CRYBG3: variants seen among roughly 807,000 people sequenced by gnomAD.
CRYBG3 encodes crystallin beta-gamma domain containing 3.
Under a neutral mutation model 244.2 loss-of-function variants are expected in CRYBG3, and 127 were observed. That is an observed-to-expected ratio of 0.52 (90% CI 0.45 to 0.60). The LOEUF (loss-of-function observed/expected upper bound fraction) is 0.60, where lower values mean the gene tolerates loss of function less well. Ranked by LOEUF, CRYBG3 falls within the 20% of genes least tolerant of loss-of-function variation. The pLI, the probability that CRYBG3 is intolerant of heterozygous loss-of-function variation, is 0.00. For synonymous variants in CRYBG3, 1,132 were observed against 1,195.8 expected, an observed-to-expected ratio of 0.95 and a Z score of 1.10; for missense variants, 3,325 against 3,442.5, an observed-to-expected ratio of 0.97 and a Z score of 0.85.
At chr3:97,896,207 T>C (rs2039638654) in intron 12 of CRYBG3, 122 bp downstream of exon 12, 2 of 851,698 alleles carry the variant, frequency 2.3e-6, no homozygotes, top group Non-Finnish European at 3.4e-6. Flanking sequence ...AGTATTAACC[T>C]CAACTGCTTA....
Position 97,845,998 on chromosome 3 carries a change from A to G in CRYBG3, c.216+2737A>G, listed in dbSNP as rs1024770877. On this transcript the variant is annotated intron_variant, in intron 2 of 21. Coordinates refer to ENST00000389622, the MANE Select transcript of CRYBG3 (RefSeq NM_153605.4). Reference sequence around the variant, plus strand: ...TGTTTCTCTTTTAGTTCCCTCTGACATGGGAAGCCTGGTACTGTGTCTGGC... The same window carrying G: ...TGTTTCTCTTTTAGTTCCCTCTGACGTGGGAAGCCTGGTACTGTGTCTGGC... Among the ~76,000 whole-genome samples the G allele has an allele frequency of 5.3e-5, 8 of 152,216 alleles. No individual in the cohort carries two copies. The South Asian group carries it at 8.3e-4, about 16-fold the overall frequency.
intron 1 of CRYBG3, among the ~76,000 whole-genome samples, chr3:97,827,172 G>T (rs542645773): frequency 6.6e-6 from 1 of 152,194 alleles, no homozygotes; most frequent in African/African-American, 2.4e-5. Flanking sequence ...CAAAAAAGTG[G>T]CAGTGCTTTT....
chr3:97,833,591 G>A (rs2038686613), intron 1 of CRYBG3, among the ~76,000 whole-genome samples: 1 of 152,062 alleles, frequency 6.6e-6, no homozygotes, highest in Admixed American at 6.6e-5. Context: ...CTAGGGGAGG[G>A]ATAGCATTAG....
intron 1 of CRYBG3, among the ~76,000 whole-genome samples, chr3:97,828,020 G>T (rs1299247216): frequency 6.6e-6 from 1 of 152,178 alleles, no homozygotes; most frequent in East Asian, 1.9e-4. Flanking sequence ...TGAGAGTTGG[G>T]AGAGGAAAAT....
intron 3 of CRYBG3, among the ~76,000 whole-genome samples, chr3:97,866,589 CATTTG>C (rs1485194742): frequency 6.6e-6 from 1 of 152,128 alleles, no homozygotes; most frequent in East Asian, 1.9e-4. Flanking sequence ...TGCTTGCTCG[CATTTG>C]ACATCTAGCA....
intron 17 of CRYBG3, among the ~76,000 whole-genome samples, chr3:97,920,928 A>G (rs2039977610): frequency 6.6e-6 from 1 of 152,166 alleles, no homozygotes; most frequent in Non-Finnish European, 1.5e-5. Flanking sequence ...TGATGGGTAC[A>G]TAAGTAATTT....
intron 7 of CRYBG3, among the ~76,000 whole-genome samples, 164 bp from the exon 8 acceptor site, chr3:97,886,467 T>TA (rs2039507847): frequency 1.3e-5 from 2 of 151,986 alleles, no homozygotes; most frequent in Non-Finnish European, 2.9e-5. Flanking sequence ...GAAAAACTTT[T>TA]TAAAAAAAAA....
intron 3 of CRYBG3, among the ~76,000 whole-genome samples, chr3:97,870,235 G>A (rs113269287): frequency 3.9e-5 from 6 of 152,096 alleles, no homozygotes; most frequent in East Asian, 1.9e-4. Flanking sequence ...AGATTATTTC[G>A]TCACCCAGGT....
At chr3:97,848,935 C>A (rs2038942896) in intron 2 of CRYBG3, among the ~76,000 whole-genome samples, 1 of 152,234 alleles carries the variant, frequency 6.6e-6, no homozygotes, top group Admixed American at 6.5e-5. Flanking sequence ...TCACAGTCAG[C>A]CACTGTTCTC....
intron 21 of CRYBG3, chr3:97,942,877 C>CT (rs2040262550): frequency 4.1e-6 from 1 of 246,300 alleles, no homozygotes; most frequent in Non-Finnish European, 7.6e-6. Context: ...ATGGCTGTTG[C>CT]TTTAATTGGG....
At position 97,855,218 on chromosome 3, in the gene CRYBG3, G is replaced by T. The variant is rs368535839; in HGVS notation, c.217-8999G>T. On this transcript the variant is annotated intron_variant, in intron 2 of 21. Coordinates refer to ENST00000389622, the MANE Select transcript of CRYBG3 (RefSeq NM_153605.4). ...AATTATGGTATATAATCTTTTTTAT[G>T]TGCTGTTGGATTTATTTTGCTAGTA... Among the ~76,000 whole-genome samples, 17 of 152,140 alleles carry T rather than the reference G, an allele frequency of 1.1e-4. No homozygotes were observed. In the East Asian group the frequency reaches 1.2e-3, roughly 10 times the overall value.
At chr3:97,883,546 A>G (rs548213164) in intron 7 of CRYBG3, among the ~76,000 whole-genome samples, 1 of 152,344 alleles carries the variant, frequency 6.6e-6, no homozygotes, top group Non-Finnish European at 1.5e-5. Flanking sequence ...AGATATTTGA[A>G]TGGATATTTG....
intron 10 of CRYBG3, among the ~76,000 whole-genome samples, chr3:97,891,480 A>G (rs758289858): frequency 1.3e-5 from 2 of 152,206 alleles, no homozygotes; most frequent in Non-Finnish European, 2.9e-5. Context: ...CAAAAAGTTC[A>G]TGGAAAAAAT....
rs560526993 is a variant in CRYBG3, at chr3:97,931,250, G to A, written c.8242-2444G>A. On this transcript the variant is annotated intron_variant, in intron 17 of 21. Transcript: ENST00000389622. Reference sequence around the variant, plus strand: ...TTCATAGGGTTACTAGCTGCCTTCTGATTATCAAACCCAAACAGCCATATC... The same window carrying A: ...TTCATAGGGTTACTAGCTGCCTTCTAATTATCAAACCCAAACAGCCATATC... 2.6e-5 allele frequency among the ~76,000 whole-genome samples: 4 copies of A among 152,170 alleles called. No homozygotes were observed. The South Asian group carries it at 8.3e-4, about 32-fold the overall frequency.
chr3:97,881,401 C>A (rs2039445096), intron 7 of CRYBG3, among the ~76,000 whole-genome samples, 182 bp downstream of exon 7: 1 of 151,996 alleles, frequency 6.6e-6, no homozygotes, highest in Admixed American at 6.6e-5. Flanking sequence ...AAAATATTAA[C>A]CAGAGGTAAT....
intron 2 of CRYBG3, among the ~76,000 whole-genome samples, chr3:97,847,071 A>C (rs569429054): frequency 6.6e-6 from 1 of 152,112 alleles, no homozygotes; most frequent in Non-Finnish European, 1.5e-5. Context: ...GCTGCCACAC[A>C]CTTCTAAACA....
At chr3:97,879,372 G>A (rs2039419523) in intron 4 of CRYBG3, among the ~76,000 whole-genome samples, 1 of 152,128 alleles carries the variant, frequency 6.6e-6, no homozygotes, top group Admixed American at 6.6e-5. Context: ...ACCTCTGTAT[G>A]CCCTCACCTC....
intron 17 of CRYBG3, among the ~76,000 whole-genome samples, chr3:97,919,542 G>A (rs1360643060): frequency 6.6e-6 from 1 of 151,956 alleles, no homozygotes; most frequent in Non-Finnish European, 1.5e-5. Flanking sequence ...TTTTTCAGTA[G>A]CCTTGGTTTG....
At chr3:97,853,371 A>G (rs2039016027) in intron 2 of CRYBG3, among the ~76,000 whole-genome samples, 2 of 150,546 alleles carry the variant, frequency 1.3e-5, no homozygotes, top group South Asian at 2.1e-4. Flanking sequence ...AGTATTCCAC[A>G]GTATATGTAC....
Sources: allele counts gnomAD v4.1 joint callset (sites outside exome capture counted in the v4.1 genomes callset), GRCh38; gene constraint gnomAD v4.1.1; transcripts MANE v1.5; gene names NCBI Gene and HGNC (gene_info 2026-07-23, HGNC 2026-07-21).